The following C2orf92 variants were observed in gnomAD, a reference collection of about 807,000 sequenced individuals.
The protein encoded by C2orf92 is uncharacterized protein C2orf92.
At chr2:97,683,904 TGGAGTGCA>T in intron 3 of C2orf92, among the ~76,000 whole-genome samples, 2 of 152,174 alleles carry the variant, frequency 1.3e-5, no homozygotes, top group Non-Finnish European at 2.9e-5. Flanking sequence ...TCGCCCAGGC[TGGAGTGCA>T]GGAGTGCAGT....
chr2:97,668,814 T>C (rs767351887), upstream of C2orf92: 2 of 152,126 alleles, frequency 1.3e-5, no homozygotes, highest in Admixed American at 6.6e-5. Flanking sequence ...CCACCACACC[T>C]GGCTAATTTT....
At chr2:97,675,557 A>G (rs1675546175) in intron 2 of C2orf92, 2 of 315,390 alleles carry the variant, frequency 6.3e-6, no homozygotes, top group African/African-American at 2.1e-5. Context: ...AGGCCTTTCT[A>G]CCCGTTTTCC....
chr2:97,670,093 G>A lies in C2orf92; in HGVS notation c.46+259G>A, dbSNP rs72949092. 1,819 of 344,712 alleles carry A rather than the reference G, an allele frequency of 5.3e-3. 35 individuals are homozygous for A. Among genetic ancestry groups the A allele is most frequent in the African/African-American group, 0.033 (1,590 of 47,576 alleles). 21.4% of individuals were successfully genotyped at this position (344,712 alleles called of 1,614,324 possible). A position where few individuals can be genotyped will look rare whatever the true frequency, so the allele number is the denominator to read the frequency against. ...TACATGCGTATTTTAACTTTTCACT[G>A]TAAGCATTTCCAAACATATGCAAAA... On this transcript the variant is annotated intron_variant, in intron 1 of 7. Transcript: ENST00000627399.
intron 1 of C2orf92, chr2:97,674,185 A>G (rs1675503271): frequency 3.6e-6 from 1 of 275,214 alleles, no homozygotes; most frequent in Admixed American, 5.3e-5. Context: ...GACAAGAGGA[A>G]GAAGAAGGAG....
At chr2:97,699,462 C>T (rs1470557014) in intron 6 of C2orf92, among the ~76,000 whole-genome samples, 1 of 152,060 alleles carries the variant, frequency 6.6e-6, no homozygotes, top group East Asian at 1.9e-4. Flanking sequence ...ATTAGCTGGG[C>T]ATGGTGGCGG....
intron 1 of C2orf92, chr2:97,671,587 C>G (rs976559178): frequency 2.5e-6 from 1 of 398,108 alleles, no homozygotes; most frequent in African/African-American, 2.1e-5. Context: ...AACCTGTTCC[C>G]GCTGCTGTGA....
chr2:97,702,895 C>T lies in C2orf92; in HGVS notation c.*94C>T, dbSNP rs546393751. 4.8e-5 allele frequency: 19 copies of T among 397,582 alleles called. No homozygotes were observed. The highest frequency in any genetic ancestry group is 1.2e-4 in the African/African-American group (6 of 48,572). 24.6% of individuals were successfully genotyped at this position (397,582 alleles called of 1,614,324 possible). A position where few individuals can be genotyped will look rare whatever the true frequency, so the allele number is the denominator to read the frequency against. On this transcript the variant is annotated 3_prime_UTR_variant, in exon 8 of 8. Transcript: ENST00000627399. ...ACAGGGAGGCAATTCCATTTCTGCC[C>T]GGGAGGTGTATTCTACAAAAACGTC... is the stretch of plus-strand genomic sequence containing the variant.
chr2:97,671,020 T>C (rs13003963), intron 1 of C2orf92: 83,488 of 152,298 alleles, frequency 0.55, 24,384 homozygotes, highest in Non-Finnish European at 0.66. Flanking sequence ...GGCGCTATCT[T>C]GGCTCACTGC....
intron 4 of C2orf92, among the ~76,000 whole-genome samples, chr2:97,689,672 C>G (rs1314238598): frequency 2.0e-5 from 3 of 152,172 alleles, no homozygotes; most frequent in Non-Finnish European, 4.4e-5. Context: ...GATGTTTGCA[C>G]CCCAATTCCT....
chr2:97,673,951 G>A (rs980754045), intron 1 of C2orf92, among the ~76,000 whole-genome samples: 4 of 152,168 alleles, frequency 2.6e-5, no homozygotes, highest in African/African-American at 4.8e-5. Context: ...AGATCATCCC[G>A]GTGAGGGCAG....
chr2:97,692,934 C>T (rs906040415), intron 5 of C2orf92, among the ~76,000 whole-genome samples: 11 of 152,186 alleles, frequency 7.2e-5, no homozygotes, highest in African/African-American at 2.4e-4. Flanking sequence ...CTTCCATCTA[C>T]ACACATACAT....
At chr2:97,697,903 T>C in intron 5 of C2orf92, 1 of 153,882 alleles carries the variant, frequency 6.5e-6, no homozygotes, top group Non-Finnish European at 1.4e-5. Flanking sequence ...AATTTTTTTT[T>C]TTTTATTTTT....
At chr2:97,689,487 ACT>A (rs781188460) in intron 4 of C2orf92, among the ~76,000 whole-genome samples, 16 of 152,338 alleles carry the variant, frequency 1.1e-4, no homozygotes, top group Non-Finnish European at 1.9e-4. Flanking sequence ...TGAAGAACAC[ACT>A]GTTTCCCCAA....
At chr2:97,700,582 G>A (rs1465850728) in intron 6 of C2orf92, among the ~76,000 whole-genome samples, 1 of 151,928 alleles carries the variant, frequency 6.6e-6, no homozygotes, top group Non-Finnish European at 1.5e-5. Context: ...ATGCCAGCCC[G>A]TATCCTCAGT....
At position 97,701,380 on chromosome 2, in the gene C2orf92, C is replaced by A; in HGVS notation, c.665+76C>A. ...CTCACGCTGCCCTCAGGGCTTCCTGCTGATCTGGTTTACGAGGAGGGCAGA... is the reference window on the plus strand; with the variant it reads ...CTCACGCTGCCCTCAGGGCTTCCTGATGATCTGGTTTACGAGGAGGGCAGA... On this transcript the variant is annotated intron_variant, in intron 7 of 7. Coordinates refer to ENST00000627399, the MANE Select transcript of C2orf92 (RefSeq NM_001351368.2). 7.6e-6 allele frequency: 3 copies of A among 395,934 alleles called. No homozygotes were observed. In the East Asian group the frequency reaches 1.1e-4, roughly 14 times the overall value. The allele number at this position is 395,934 out of a possible 1,614,324, so 24.5% of individuals were successfully genotyped here.
intron 5 of C2orf92, among the ~76,000 whole-genome samples, chr2:97,692,467 T>G (rs1676171340): frequency 6.7e-6 from 1 of 149,402 alleles, no homozygotes; most frequent in Non-Finnish European, 1.5e-5. Flanking sequence ...TGGAGTGCAG[T>G]GGCATGATCT....
chr2:97,665,468 A>T (rs184027284), upstream of C2orf92, among the ~76,000 whole-genome samples: 4 of 152,160 alleles, frequency 2.6e-5, no homozygotes, highest in African/African-American at 4.8e-5. Flanking sequence ...GTGAGAAGCG[A>T]TTGTTTATTG....
intron 1 of C2orf92, chr2:97,671,117 A>C: frequency 6.3e-6 from 1 of 158,250 alleles, no homozygotes; most frequent in Non-Finnish European, 1.4e-5. Context: ...ACGCCTGGCT[A>C]ATTTACTAAA....
intron 2 of C2orf92, 196 bp from the exon 3 acceptor site, chr2:97,675,649 T>C (rs922832681): frequency 1.5e-5 from 6 of 394,164 alleles, no homozygotes; most frequent in African/African-American, 1.2e-4. Flanking sequence ...AAAATGAGCT[T>C]AGCCCCTGGT....
Sources: allele counts gnomAD v4.1 joint callset (sites outside exome capture counted in the v4.1 genomes callset), GRCh38; gene constraint gnomAD v4.1.1; transcripts MANE v1.5; gene names NCBI Gene and HGNC (gene_info 2026-07-23, HGNC 2026-07-21).